ATXN1: variants seen among roughly 807,000 people sequenced by gnomAD.
ATXN1 encodes ataxin-1.
In ATXN1, 8 loss-of-function variants were observed where a neutral mutation model predicts 56.4. The observed-to-expected ratio is 0.14, with a 90% confidence interval of 0.08 to 0.26. The LOEUF (loss-of-function observed/expected upper bound fraction) is 0.26. ATXN1 is among the 10% of genes least tolerant of loss of function. The probability of loss-of-function intolerance (pLI) is 1.00; values close to 1 mark genes in which losing one functional copy is unlikely to be tolerated. For missense variants in ATXN1, 987 were observed against 1,106.5 expected, an observed-to-expected ratio of 0.89 and a Z score of 1.53; for synonymous variants, 514 against 494.6, an observed-to-expected ratio of 1.04 and a Z score of -0.52.
chr6:16,613,727 G>A (rs2113793544), intron 3 of ATXN1, among the ~76,000 whole-genome samples: 1 of 152,258 alleles, frequency 6.6e-6, no homozygotes, highest in Admixed American at 6.5e-5. Context: ...TACTTGGGAG[G>A]CTGAGGCGGG....
intron 6 of ATXN1, among the ~76,000 whole-genome samples, chr6:16,375,271 T>C (rs1237280633): frequency 6.6e-6 from 1 of 152,248 alleles, no homozygotes; most frequent in Admixed American, 6.5e-5. Context: ...TTAACTTCAC[T>C]GATTTCCATG....
At chr6:16,448,094 G>C (rs1759670594) in intron 6 of ATXN1, among the ~76,000 whole-genome samples, 1 of 152,118 alleles carries the variant, frequency 6.6e-6, no homozygotes, top group Admixed American at 6.5e-5. Context: ...CCACAGTCCT[G>C]GTCCATGTCA....
chr6:16,419,537 A>C (rs1758988834), intron 6 of ATXN1, among the ~76,000 whole-genome samples: 1 of 152,132 alleles, frequency 6.6e-6, no homozygotes, highest in African/African-American at 2.4e-5. Flanking sequence ...AGTACTTTCC[A>C]GGGTGGGTAT....
chr6:16,614,783 C>T lies in ATXN1; in HGVS notation c.-488-28876G>A, dbSNP rs545262967. Among the ~76,000 whole-genome samples the T allele has an allele frequency of 1.5e-4, 22 of 151,410 alleles. No homozygotes were observed. The South Asian group carries it at 2.9e-3, about 20-fold the overall frequency. On this transcript the variant is annotated intron_variant, in intron 3 of 7. Coordinates refer to ENST00000436367, the MANE Select transcript of ATXN1 (RefSeq NM_001128164.2). ...ACTAAAAATACAAAAATTAGCCAGG[C>T]GTGGTGTTGCATGCCTGTAATCCCA... is the stretch of plus-strand genomic sequence containing the variant.
At chr6:16,583,801 C>T (rs1762570169) in intron 4 of ATXN1, among the ~76,000 whole-genome samples, 1 of 152,128 alleles carries the variant, frequency 6.6e-6, no homozygotes, top group Admixed American at 6.5e-5. Flanking sequence ...TCCACTAATA[C>T]AAATTAAATC....
chr6:16,716,091 T>C (rs1460667759), intron 2 of ATXN1, among the ~76,000 whole-genome samples: 1 of 152,190 alleles, frequency 6.6e-6, no homozygotes, highest in Non-Finnish European at 1.5e-5. Flanking sequence ...CCTTCGTCCA[T>C]ATGATCACAG....
chr6:16,725,983 C>T (rs1759840493), intron 2 of ATXN1, among the ~76,000 whole-genome samples: 1 of 152,174 alleles, frequency 6.6e-6, no homozygotes, highest in Non-Finnish European at 1.5e-5. Flanking sequence ...TCCTCCTCCC[C>T]ACAATACCCA....
At chr6:16,311,753 AC>A (rs1480913477) in intron 7 of ATXN1, among the ~76,000 whole-genome samples, 1 of 152,208 alleles carries the variant, frequency 6.6e-6, no homozygotes, top group Non-Finnish European at 1.5e-5. Flanking sequence ...AACAACATAA[AC>A]TGAACAGAAG....
intron 2 of ATXN1, among the ~76,000 whole-genome samples, chr6:16,711,050 T>C (rs532844616): frequency 4.6e-5 from 7 of 152,310 alleles, no homozygotes; most frequent in African/African-American, 1.7e-4. Context: ...GCCCAGCCCA[T>C]GACAGTATTT....
At chr6:16,511,760 T>C (rs1761085226) in intron 5 of ATXN1, among the ~76,000 whole-genome samples, 2 of 152,148 alleles carry the variant, frequency 1.3e-5, no homozygotes, top group Non-Finnish European at 2.9e-5. Flanking sequence ...GTCCACCCAT[T>C]GCAAAAGGAT....
At position 16,611,849 on chromosome 6, in the gene ATXN1, A is replaced by ATTTTTTTTTTTTTT. The variant is rs369870821; in HGVS notation, c.-488-25956_-488-25943dup. Among the ~76,000 whole-genome samples the ATTTTTTTTTTTTTT allele has an allele frequency of 6.4e-4, 48 of 75,180 alleles. 2 individuals are homozygous for ATTTTTTTTTTTTTT. Among genetic ancestry groups the ATTTTTTTTTTTTTT allele is most frequent in the Non-Finnish European group, 9.9e-4 (41 of 41,520 alleles). 49.3% of individuals were successfully genotyped at this position (75,180 alleles called of 152,430 possible). A position where few individuals can be genotyped will look rare whatever the true frequency, so the allele number is the denominator to read the frequency against. On this transcript the variant is annotated intron_variant, in intron 3 of 7. Transcript: ENST00000436367. ...GTCCTTGGAAAAATAAGCAGATGAA[A>ATTTTTTTTTTTTTT]TTTTTTTTTTTTTTTTTTTTTTTTT...
At chr6:16,704,958 A>AC (rs1759375417) in intron 2 of ATXN1, among the ~76,000 whole-genome samples, 1 of 152,194 alleles carries the variant, frequency 6.6e-6, no homozygotes, top group South Asian at 2.1e-4. Context: ...CTGTAGCCCT[A>AC]CACCAGTGCT....
Position 16,760,679 on chromosome 6 carries a change from C to T in ATXN1, c.-730+619G>A, listed in dbSNP as rs1349736437. ...GGCCGGCCCTCCGAGGGGAGACCCC[C>T]GCCCCAGGGCGCCGAGGCCGGGCGA... is the stretch of plus-strand genomic sequence containing the variant. On this transcript the variant is annotated intron_variant, in intron 1 of 7. Transcript: ENST00000436367. The surrounding 1 kb of genome is among the most constrained non-coding windows in gnomAD (Gnocchi z 5.3). Among the ~76,000 whole-genome samples, 1 of 151,204 alleles carries T rather than the reference C, an allele frequency of 6.6e-6. No homozygotes were observed. Among genetic ancestry groups the T allele is most frequent in the Non-Finnish European group, 1.5e-5 (1 of 67,684 alleles).
chr6:16,634,433 A>G (rs76893457), intron 3 of ATXN1, among the ~76,000 whole-genome samples: 3,064 of 151,278 alleles, frequency 0.02, 59 homozygotes, highest in East Asian at 0.1. Flanking sequence ...AAACAGCTTT[A>G]TTAAGATTTA....
intron 3 of ATXN1, among the ~76,000 whole-genome samples, chr6:16,629,644 G>A (rs1763469887): frequency 1.3e-5 from 2 of 152,106 alleles, no homozygotes; most frequent in African/African-American, 2.4e-5. Context: ...GGCCAGGCAA[G>A]GTGGCTCATG....
intron 5 of ATXN1, among the ~76,000 whole-genome samples, chr6:16,500,661 AG>A (rs954909044): frequency 6.8e-6 from 1 of 147,820 alleles, no homozygotes; most frequent in Non-Finnish European, 1.5e-5. Flanking sequence ...GTACCTGGGT[AG>A]GGTTTTCAGA....
At chr6:16,360,018 G>T (rs1372525443) in intron 6 of ATXN1, among the ~76,000 whole-genome samples, 3 of 152,020 alleles carry the variant, frequency 2.0e-5, no homozygotes, top group Admixed American at 6.6e-5. Flanking sequence ...CACCACCGAA[G>T]AACTTATTCA....
At chr6:16,689,467 C>A (rs980092609) in intron 2 of ATXN1, among the ~76,000 whole-genome samples, 2 of 151,278 alleles carry the variant, frequency 1.3e-5, no homozygotes, top group African/African-American at 4.9e-5. Flanking sequence ...CAAGAGCCAC[C>A]ACACCCAGTC....
At chr6:16,496,080 G>T (rs368663636) in intron 5 of ATXN1, among the ~76,000 whole-genome samples, 7 of 152,108 alleles carry the variant, frequency 4.6e-5, no homozygotes, top group African/African-American at 1.7e-4. Context: ...AAAGCCAACA[G>T]ATACAACAAC....
Sources: allele counts gnomAD v4.1 joint callset (sites outside exome capture counted in the v4.1 genomes callset), GRCh38; gene constraint gnomAD v4.1.1; non-coding constraint Gnocchi (gnomAD v3.1); transcripts MANE v1.5; gene names NCBI Gene and HGNC (gene_info 2026-07-23, HGNC 2026-07-21).